The following SHPRH variants were observed in gnomAD, a reference collection of about 807,000 sequenced individuals.
SHPRH encodes E3 ubiquitin-protein ligase SHPRH.
SHPRH carries 106 observed loss-of-function variants against 202.5 expected under a neutral mutation model. That is an observed-to-expected ratio of 0.52 (90% CI 0.45 to 0.62). The LOEUF (loss-of-function observed/expected upper bound fraction) is 0.62. SHPRH is among the 20% of genes least tolerant of loss of function. The probability of loss-of-function intolerance (pLI) is 0.00; values close to 1 mark genes in which losing one functional copy is unlikely to be tolerated. For missense variants in SHPRH, 1,710 were observed against 2,020.0 expected (o/e 0.85, Z 2.94); for synonymous variants, 729 against 686.0 (o/e 1.06, Z -0.98).
At chr6:145,890,622 G>A (rs970661056) in intron 28 of SHPRH, among the ~76,000 whole-genome samples, 8 of 152,006 alleles carry the variant, frequency 5.3e-5, no homozygotes, top group Non-Finnish European at 8.8e-5. Flanking sequence ...TCAGTCCATG[G>A]TCCTCTATCT....
At chr6:145,872,205 T>G (rs1780086591) in intron 2 of SHPRH, among the ~76,000 whole-genome samples, 1 of 152,116 alleles carries the variant, frequency 6.6e-6, no homozygotes, top group South Asian at 2.1e-4. Flanking sequence ...TGGGTCTAAT[T>G]AAACTAAAGA....
rs867865708 is a variant in SHPRH at position 145,936,307 on chromosome 6, G to C, written c.2570-866C>G. 9.9e-5 allele frequency among the ~76,000 whole-genome samples: 15 copies of C among 151,880 alleles called. No homozygotes were observed. The South Asian group carries it at 3.1e-3, about 32-fold the overall frequency. ...ATCTATATAGAAAAGATCTTCAAAT[G>C]AAGACTATGAGTGTAATTTTGTAAT... On this transcript the variant is annotated intron_variant, in intron 11 of 29. Transcript: ENST00000275233.
intron 14 of SHPRH, among the ~76,000 whole-genome samples, chr6:145,930,733 G>A (rs1785351772): frequency 1.3e-5 from 2 of 152,100 alleles, no homozygotes; most frequent in Non-Finnish European, 2.9e-5. Flanking sequence ...TAGGTCAACT[G>A]GTTGACAGCG....
At chr6:145,859,754 G>A (rs17075404), downstream of SHPRH, among the ~76,000 whole-genome samples, 632 of 152,102 alleles carry the variant, frequency 4.2e-3, 17 homozygotes, top group East Asian at 0.071. Flanking sequence ...CAATACCCAA[G>A]CAGCTTTGTG....
At chr6:145,950,135 A>G in intron 4 of SHPRH, 129 bp downstream of exon 4, 1 of 652,692 alleles carries the variant, frequency 1.5e-6, no homozygotes, top group Non-Finnish European at 2.4e-6. Flanking sequence ...TTAGAAAATA[A>G]TTTTATGGCA....
intron 19 of SHPRH, 75 bp from the exon 20 acceptor site, chr6:145,922,423 AT>A: frequency 6.8e-7 from 1 of 1,467,502 alleles, no homozygotes; most frequent in Admixed American, 2.6e-5. Context: ...GAAGCTTAAT[AT>A]TTTGACTTCA....
chr6:145,941,570 T>G (rs1486022761), intron 10 of SHPRH, 53 bp downstream of exon 10: 1 of 1,599,986 alleles, frequency 6.3e-7, no homozygotes, highest in African/African-American at 1.3e-5. Context: ...GGTCCCCTAA[T>G]TCCTTTTCAC....
At position 145,935,299 on chromosome 6, in the gene SHPRH, T is replaced by C. The variant is rs201111804; in HGVS notation, c.2712A>G (p.Ala904=). The C allele has an allele frequency of 7.4e-6, 12 of 1,613,976 alleles. No individual in the cohort carries two copies. In the African/African-American group the frequency reaches 1.6e-4, roughly 22 times the overall value. ...TGACTTGGTCAATCACATCTTTCTT[T>C]GCAGACCTCCACAGTATCTTGGCAA... ...SFIAKILWRS[A]KKDVIDQIQI... is the part of the protein sequence containing the mutation. The change falls in exon 12 of 30, where the codon GCA becomes GCG. Residue 904 remains alanine, a synonymous_variant. Coordinates refer to ENST00000275233, the MANE Select transcript of SHPRH (RefSeq NM_001042683.3).
chr6:145,928,353 T>C (rs982378534), intron 14 of SHPRH, among the ~76,000 whole-genome samples: 4 of 151,854 alleles, frequency 2.6e-5, no homozygotes, highest in Admixed American at 6.6e-5. Context: ...ACTATTAAAG[T>C]AAAAACCTAA....
chr6:145,895,473 G>A (rs570588840), intron 25 of SHPRH, among the ~76,000 whole-genome samples: 2 of 151,232 alleles, frequency 1.3e-5, no homozygotes, highest in East Asian at 1.9e-4. Flanking sequence ...CAATGACAGA[G>A]GTACAAATGA....
intron 2 of SHPRH, among the ~76,000 whole-genome samples, chr6:145,870,021 C>T (rs1397937051): frequency 1.3e-5 from 2 of 151,506 alleles, no homozygotes; most frequent in South Asian, 2.1e-4. Context: ...GATTTTTTTT[C>T]TTCAGTGTTT....
chr6:145,957,417 A>G (rs932840120), intron 1 of SHPRH, among the ~76,000 whole-genome samples: 7 of 152,164 alleles, frequency 4.6e-5, no homozygotes, highest in Non-Finnish European at 1.0e-4. Flanking sequence ...TCAAAATATG[A>G]CAGCAAGTCA....
intron 7 of SHPRH, 139 bp from the exon 8 acceptor site, chr6:145,945,776 G>GA: frequency 5.2e-6 from 4 of 768,774 alleles, no homozygotes; most frequent in Non-Finnish European, 7.5e-6. Context: ...GTGCCATTTT[G>GA]AAAAAATATG....
intron 17 of SHPRH, 122 bp from the exon 18 acceptor site, chr6:145,923,907 T>A: frequency 3.2e-6 from 3 of 946,772 alleles, no homozygotes; most frequent in Non-Finnish European, 4.6e-6. Context: ...TCAAAGGGAC[T>A]ATCACAGAGG....
Position 145,931,328 on chromosome 6 carries a change from G to T in SHPRH, c.3112+1729C>A, listed in dbSNP as rs528227148. On this transcript the variant is annotated intron_variant, in intron 14 of 29. Coordinates refer to ENST00000275233, the MANE Select transcript of SHPRH (RefSeq NM_001042683.3). ...TGCACCCTTTTTTCTTTTTTTTGAAGATTTTTAATTTATTATTTATTTATT... is the reference window on the plus strand; with the variant it reads ...TGCACCCTTTTTTCTTTTTTTTGAATATTTTTAATTTATTATTTATTTATT... Among the ~76,000 whole-genome samples the T allele has an allele frequency of 2.6e-4, 40 of 151,346 alleles. No individual in the cohort carries two copies. The South Asian group carries it at 8.3e-3, about 32-fold the overall frequency.
chr6:145,932,350 A>G (rs1215244137), intron 14 of SHPRH, among the ~76,000 whole-genome samples: 1 of 152,208 alleles, frequency 6.6e-6, no homozygotes, highest in Non-Finnish European at 1.5e-5. Flanking sequence ...AATATACAAA[A>G]TGACAGTTTG....
At position 145,894,838 on chromosome 6, in the gene SHPRH, G is replaced by T. The variant is rs748957117; in HGVS notation, c.4608+47C>A. 5.8e-6 allele frequency: 9 copies of T among 1,562,228 alleles called. No individual in the cohort carries two copies. The South Asian group carries it at 1.0e-4, about 18-fold the overall frequency. On this transcript the variant is annotated intron_variant, in intron 26 of 29. Transcript: ENST00000275233. ...TCTCAGCTGTAAACTGATTAGAGAGGGAAAATCAGTTCGAATTAATATTGA... is the reference window on the plus strand; with the variant it reads ...TCTCAGCTGTAAACTGATTAGAGAGTGAAAATCAGTTCGAATTAATATTGA...
chr6:145,933,323 A>G (rs1419232972), intron 13 of SHPRH, 145 bp from the exon 14 acceptor site: 4 of 1,215,450 alleles, frequency 3.3e-6, no homozygotes, highest in Non-Finnish European at 3.4e-6. Flanking sequence ...CTCAATTTTT[A>G]CCATTATTTT....
chr6:145,908,911 T>C (rs1193074486), intron 25 of SHPRH: 1 of 152,134 alleles, frequency 6.6e-6, no homozygotes, highest in East Asian at 1.9e-4. Flanking sequence ...TAATCTATCT[T>C]GAGTTAATTT....
Sources: gnomAD v4.1 joint callset for allele counts (sites outside exome capture counted in the v4.1 genomes callset) on GRCh38, gnomAD v4.1.1 for gene constraint, MANE v1.5 for transcripts, NCBI Gene and HGNC (gene_info 2026-07-23, HGNC 2026-07-21) for gene names.